Variants in CARS1 observed in about 807,000 individuals in gnomAD.
CARS1 encodes cysteine--tRNA ligase, cytoplasmic.
A neutral mutation model predicts 106.2 loss-of-function variants in CARS1; 48 were observed. That is an observed-to-expected ratio of 0.45 (90% CI 0.36 to 0.57). CARS1 has a LOEUF of 0.57. Among genes scored for constraint, CARS1 ranks in the 20% least tolerant of loss-of-function variants. CARS1 has a pLI of 0.00. For synonymous variants in CARS1, 409 were observed against 403.4 expected, an observed-to-expected ratio of 1.01 and a Z score of -0.17; for missense variants, 968 against 1,057.2, an observed-to-expected ratio of 0.92 and a Z score of 1.17.
rs996923857 is a variant in CARS1, at chr11:3,034,258, T to C, written c.801+3792A>G. 5.9e-5 allele frequency among the ~76,000 whole-genome samples: 9 copies of C among 152,332 alleles called. No homozygotes were observed. The highest frequency in any genetic ancestry group is 2.2e-4 in the African/African-American group (9 of 41,576). Reference sequence around the variant, plus strand: ...GTTTTTTTGAGACAGTCTCACTCTGTTTCCCAGGCTGGAATGCAGTGGCGT... The same window carrying C: ...GTTTTTTTGAGACAGTCTCACTCTGCTTCCCAGGCTGGAATGCAGTGGCGT... On this transcript the variant is annotated intron_variant, in intron 7 of 22. Transcript: ENST00000380525. The surrounding 1 kb of genome is among the most constrained non-coding windows in gnomAD (Gnocchi z 6.3).
At position 3,003,055 on chromosome 11, in the gene CARS1, G is replaced by A. The variant is rs1849541295; in HGVS notation, c.2218-455C>T. On this transcript the variant is annotated intron_variant, in intron 20 of 22. Transcript: ENST00000380525. This position sits in a 1 kb window ranked among gnomAD's most constrained non-coding sequence, Gnocchi z 4.8. ...GCAGGATGGGGATGGTGGGCGGAGG[G>A]CAGCCTTGGGGGCTAGGTGAGGAGA... 6.6e-6 allele frequency among the ~76,000 whole-genome samples: 1 copy of A among 152,172 alleles called. No individual in the cohort carries two copies. Among genetic ancestry groups the A allele is most frequent in the Admixed American group, 6.5e-5 (1 of 15,284 alleles).
chr11:3,031,972 G>C, intron 7 of CARS1, among the ~76,000 whole-genome samples: 1 of 143,228 alleles, frequency 7.0e-6, no homozygotes, highest in Non-Finnish European at 1.5e-5. Context: ...AGTGCACTCT[G>C]TTCTTTTCTT....
Position 3,021,458 on chromosome 11 carries a change from T to C in CARS1, c.1154-1126A>G, listed in dbSNP as rs1009280669. On this transcript the variant is annotated intron_variant, in intron 10 of 22. Transcript: ENST00000380525. The surrounding 1 kb of genome is among the most constrained non-coding windows in gnomAD (Gnocchi z 5.3). ...TGACCCTGAAGAAGCTGCAGTGAGA[T>C]CTTTCCAGGTGACAAATCCACTTTT... Among the ~76,000 whole-genome samples, 1 of 152,174 alleles carries C rather than the reference T, an allele frequency of 6.6e-6. No homozygotes were observed. Among genetic ancestry groups the C allele is most frequent in the Non-Finnish European group, 1.5e-5 (1 of 68,032 alleles).
chr11:3,022,494 T>G lies in CARS1; in HGVS notation c.1154-2162A>C, dbSNP rs1047799103. Among the ~76,000 whole-genome samples the G allele has an allele frequency of 4.6e-5, 7 of 152,150 alleles. No individual in the cohort carries two copies. The highest frequency in any genetic ancestry group is 1.4e-4 in the African/African-American group (6 of 41,422). On this transcript the variant is annotated intron_variant, in intron 10 of 22. Transcript: ENST00000380525. The surrounding 1 kb of genome is among the most constrained non-coding windows in gnomAD (Gnocchi z 4.9). ...TTGTCCACCATACAATTACTACGCT[T>G]CTTCTACGGCAACCCCTGGTATCCC...
At position 3,006,817 on chromosome 11, in the gene CARS1, C is replaced by T. The variant is rs1183041353; in HGVS notation, c.2149+62G>A. ...GAGCCTCAGCCCAGCCCCGGGAGCT[C>T]TCCTTGTGACACCTCTCCAAGCTCC... On this transcript the variant is annotated intron_variant, in intron 19 of 22. Coordinates refer to ENST00000380525, the MANE Select transcript of CARS1 (RefSeq NM_001014437.3). The T allele has an allele frequency of 6.0e-6, 8 of 1,325,676 alleles. No individual in the cohort carries two copies. In the East Asian group the frequency reaches 6.9e-5, roughly 11 times the overall value. 82.1% of individuals were successfully genotyped at this position (1,325,676 alleles called of 1,614,324 possible).
Position 3,046,303 on chromosome 11 carries a change from C to T in CARS1, c.274+1450G>A, listed in dbSNP as rs553622920. 6.6e-6 allele frequency among the ~76,000 whole-genome samples: 1 copy of T among 152,308 alleles called. No individual in the cohort carries two copies. The highest frequency in any genetic ancestry group is 1.5e-5 in the Non-Finnish European group (1 of 68,030). ...ACAGGCCACTGCTGAGCTGGACGTA[C>T]CAGGCCCGCTTCACCCTCCCTAATC... On this transcript the variant is annotated intron_variant, in intron 2 of 22. Coordinates refer to ENST00000380525, the MANE Select transcript of CARS1 (RefSeq NM_001014437.3). This position sits in a 1 kb window ranked among gnomAD's most constrained non-coding sequence, Gnocchi z 5.8.
Position 3,048,855 on chromosome 11 carries a change from T to C in CARS1, c.26-854A>G, listed in dbSNP as rs1308679441. 1.3e-5 allele frequency among the ~76,000 whole-genome samples: 2 copies of C among 152,056 alleles called. No individual in the cohort carries two copies. Among genetic ancestry groups the C allele is most frequent in the African/African-American group, 4.8e-5 (2 of 41,384 alleles). On this transcript the variant is annotated intron_variant, in intron 1 of 22. Transcript: ENST00000380525. This position sits in a 1 kb window ranked among gnomAD's most constrained non-coding sequence, Gnocchi z 5.1. ...TGGCCCCTGGCCCCAGGCCCCAGCC[T>C]CCCTCCTTAGAGCCTTCAAAGCAGT...
In CARS1 at chr11:3,019,123, C is replaced by G; in HGVS notation, c.1395+16G>C. On this transcript the variant is annotated intron_variant, in intron 12 of 22. Transcript: ENST00000380525. The surrounding 1 kb of genome is among the most constrained non-coding windows in gnomAD (Gnocchi z 6.2). ...TGTGCTCTTGCACCTGACAAGGGGA[C>G]TCTGTTTTCACCTACCTCCGACTGT... is the stretch of plus-strand genomic sequence containing the variant. 1 of 1,508,988 alleles carries G rather than the reference C, an allele frequency of 6.6e-7. No individual in the cohort carries two copies. The highest frequency in any genetic ancestry group is 8.8e-7 in the Non-Finnish European group (1 of 1,133,380). The allele number at this position is 1,508,988 out of a possible 1,614,324, so 93.5% of individuals were successfully genotyped here.
At chr11:3,057,308 A>G in intron 1 of CARS1, 35 bp downstream of exon 1, 1 of 1,596,772 alleles carries the variant, frequency 6.3e-7, no homozygotes, top group Non-Finnish European at 8.5e-7. Context: ...TCAGGCCCCC[A>G]GCCGCCCTCA....
intron 1 of CARS1, among the ~76,000 whole-genome samples, chr11:3,049,011 A>T (rs1855395418): frequency 6.6e-6 from 1 of 152,208 alleles, no homozygotes; most frequent in Non-Finnish European, 1.5e-5. Flanking sequence ...CCGCCTTGAC[A>T]CATGCACGCT....
intron 7 of CARS1, among the ~76,000 whole-genome samples, chr11:3,036,860 T>C (rs1367030572): frequency 2.6e-5 from 4 of 151,238 alleles, no homozygotes; most frequent in Non-Finnish European, 5.9e-5. Context: ...GGAAGCAGAG[T>C]CTGACATGCA....
At chr11:3,054,869 A>G in intron 1 of CARS1, 1 of 702,504 alleles carries the variant, frequency 1.4e-6, no homozygotes, top group Non-Finnish European at 2.6e-6. Flanking sequence ...TTAAACTATA[A>G]GTCTGACCTG....
intron 14 of CARS1, 112 bp from the exon 15 acceptor site, chr11:3,018,066 A>G: frequency 1.4e-6 from 1 of 689,750 alleles, no homozygotes; most frequent in Non-Finnish European, 2.5e-6. Flanking sequence ...CTGAAAGACC[A>G]GAATTACACA....
chr11:3,051,791 CT>C (rs544874486), intron 1 of CARS1, among the ~76,000 whole-genome samples: 55 of 152,332 alleles, frequency 3.6e-4, no homozygotes, highest in African/African-American at 1.3e-3. Flanking sequence ...TTCCTCTCCC[CT>C]GTCCCCTCCC....
At chr11:3,011,595 C>G (rs932115601) in intron 18 of CARS1, among the ~76,000 whole-genome samples, 8 of 152,144 alleles carry the variant, frequency 5.3e-5, no homozygotes, top group African/African-American at 1.4e-4. Flanking sequence ...GCCTGGGAGA[C>G]AGAGTGAGAC....
At position 3,021,259 on chromosome 11, in the gene CARS1, G is replaced by A. The variant is rs1851546629; in HGVS notation, c.1154-927C>T. On this transcript the variant is annotated intron_variant, in intron 10 of 22. Transcript: ENST00000380525. This position sits in a 1 kb window ranked among gnomAD's most constrained non-coding sequence, Gnocchi z 5.3. Reference sequence around the variant, plus strand: ...AAGGTCACGCAGAGAATCACCCTTTGTTCGATGAATGGGCAGAGCAGAGGT... The same window carrying A: ...AAGGTCACGCAGAGAATCACCCTTTATTCGATGAATGGGCAGAGCAGAGGT... Among the ~76,000 whole-genome samples, 1 of 152,246 alleles carries A rather than the reference G, an allele frequency of 6.6e-6. No homozygotes were observed. The highest frequency in any genetic ancestry group is 2.4e-5 in the African/African-American group (1 of 41,450).
chr11:3,005,496 A>AGCCCTGCCCTGCCCT (rs376603650), intron 19 of CARS1, 63 bp from the exon 20 acceptor site: 2 of 1,305,358 alleles, frequency 1.5e-6, no homozygotes, highest in East Asian at 4.6e-5. Flanking sequence ...CTGCGGGGCC[A>AGCCCTGCCCTGCCCT]GCCCTGCCCT....
chr11:3,044,794 C>G lies in CARS1; in HGVS notation c.275-2538G>C, dbSNP rs991666849. On this transcript the variant is annotated intron_variant, in intron 2 of 22. Transcript: ENST00000380525. This position sits in a 1 kb window ranked among gnomAD's most constrained non-coding sequence, Gnocchi z 4.4. Reference sequence around the variant, plus strand: ...AACAACAGACCAACTATGAACCGCTCATGAGAGACATGGCTTTGAAACAGG... The same window carrying G: ...AACAACAGACCAACTATGAACCGCTGATGAGAGACATGGCTTTGAAACAGG... Among the ~76,000 whole-genome samples the G allele has an allele frequency of 1.3e-5, 2 of 152,084 alleles. No individual in the cohort carries two copies. The highest frequency in any genetic ancestry group is 2.9e-5 in the Non-Finnish European group (2 of 68,042).
chr11:3,017,610 T>A lies in CARS1; in HGVS notation c.1727+247A>T. On this transcript the variant is annotated intron_variant, in intron 15 of 22. Transcript: ENST00000380525. This position sits in a 1 kb window ranked among gnomAD's most constrained non-coding sequence, Gnocchi z 4.9. ...GTGAGCCGAGATCACGCCACTGCAC[T>A]CCAGCCTGGGCAACAAGGGCGAAAC... The A allele has an allele frequency of 3.6e-6, 2 of 562,494 alleles. No individual in the cohort carries two copies. The highest frequency in any genetic ancestry group is 3.1e-6 in the Non-Finnish European group (1 of 319,172). The allele number at this position is 562,494 out of a possible 1,614,324, so 34.8% of individuals were successfully genotyped here.
Sources: gnomAD v4.1 joint callset for allele counts (sites outside exome capture counted in the v4.1 genomes callset) on GRCh38, gnomAD v4.1.1 for gene constraint, Gnocchi (gnomAD v3.1) non-coding constraint, MANE v1.5 for transcripts, NCBI Gene and HGNC (gene_info 2026-07-23, HGNC 2026-07-21) for gene names.